The following PIWIL4 variants were observed in gnomAD, a reference collection of about 807,000 sequenced individuals.
PIWIL4 encodes the protein piwi-like protein 4.
Under a neutral mutation model 100.9 loss-of-function variants are expected in PIWIL4, and 50 were observed. That is an observed-to-expected ratio of 0.50 (90% CI 0.39 to 0.63). The LOEUF (loss-of-function observed/expected upper bound fraction) is 0.63. Among genes scored for constraint, PIWIL4 ranks in the 20% least tolerant of loss-of-function variants. The pLI, the probability that PIWIL4 is intolerant of heterozygous loss-of-function variation, is 0.00. For missense variants in PIWIL4, 887 were observed against 1,043.3 expected (o/e 0.85, Z 2.06); for synonymous variants, 342 against 367.5 (o/e 0.93, Z 0.79).
chr11:94,567,553 T>C lies in PIWIL4; in HGVS notation c.35T>C (p.Ile12Thr), dbSNP rs1458828015. 2 of 1,606,192 alleles carry C rather than the reference T, an allele frequency of 1.2e-6. No individual in the cohort carries two copies. The highest frequency in any genetic ancestry group is 2.2e-5 in the South Asian group (2 of 89,196). The change falls in exon 1 of 20, where the codon ATC (isoleucine) becomes ACC (threonine). Residue 12 changes from isoleucine (I) to threonine (T), a missense_variant. Physicochemically the swap from Ile to Thr is moderately conservative, Grantham distance 89. Coordinates refer to ENST00000299001, the MANE Select transcript of PIWIL4 (RefSeq NM_152431.3). ...AGAGCCCGAGTGAAGGCCAGAGGCA[T>C]CGCCCGCAGCCCCAGTGCCACAGAA... ...SGRARVKARG[I>T]ARSPSATEVG...
At chr11:94,571,382 C>A (rs1189700178) in intron 2 of PIWIL4, among the ~76,000 whole-genome samples, 1 of 152,074 alleles carries the variant, frequency 6.6e-6, no homozygotes, top group Non-Finnish European at 1.5e-5. Flanking sequence ...GTGTGCTGCA[C>A]CCATTAACTC....
intron 1 of PIWIL4, 89 bp from the exon 2 acceptor site, chr11:94,568,641 T>C: frequency 1.0e-6 from 1 of 985,214 alleles, no homozygotes; most frequent in Non-Finnish European, 1.6e-6. Flanking sequence ...TTCATGGTAA[T>C]CTAAAGACCT....
At chr11:94,620,245 C>T (rs1948891333) in intron 19 of PIWIL4, 101 bp downstream of exon 19, 6 of 1,220,260 alleles carry the variant, frequency 4.9e-6, no homozygotes, top group Non-Finnish European at 1.1e-6. Context: ...TAGCACAATA[C>T]CTGATATTTC....
intron 5 of PIWIL4, among the ~76,000 whole-genome samples, chr11:94,584,800 C>A (rs1252750233): frequency 6.6e-6 from 1 of 152,170 alleles, no homozygotes; most frequent in Non-Finnish European, 1.5e-5. Context: ...GCCGGTGGCT[C>A]ACACCTGTAA....
At chr11:94,608,399 C>T in intron 14 of PIWIL4, 184 bp from the exon 15 acceptor site, 3 of 563,156 alleles carry the variant, frequency 5.3e-6, no homozygotes, top group Non-Finnish European at 9.5e-6. Flanking sequence ...ATTCTTCCTG[C>T]CTTCTTTAAG....
In PIWIL4 at chr11:94,618,054, A is replaced by G. The variant is rs758883203; in HGVS notation, c.2115A>G (p.Glu705=). The G allele has an allele frequency of 1.1e-5, 17 of 1,603,982 alleles. No individual in the cohort carries two copies. ...VGDGQLKTLI[E]YEVPQLLSSV... is the part of the protein sequence containing the mutation. ...ATGGTCAGCTGAAAACACTTATTGA[A>G]TATGAAGTCCCACAGCTGCTGAGCA... Residue 705 remains glutamate (E), a synonymous_variant, in exon 17 of 20, where the codon GAA becomes GAG. Transcript: ENST00000299001.
intron 15 of PIWIL4, among the ~76,000 whole-genome samples, chr11:94,611,286 G>T (rs1267998576): frequency 6.6e-6 from 1 of 152,086 alleles, no homozygotes; most frequent in Non-Finnish European, 1.5e-5. Context: ...CTCATCATTT[G>T]TGAAACTTTT....
intron 12 of PIWIL4, 109 bp from the exon 13 acceptor site, chr11:94,603,874 TA>T: frequency 3.1e-6 from 2 of 644,102 alleles, no homozygotes; most frequent in Non-Finnish European, 5.2e-6. Context: ...TAATTTTTCC[TA>T]AAACTACTAG....
intron 8 of PIWIL4, among the ~76,000 whole-genome samples, chr11:94,589,817 G>C (rs576434342): frequency 2.0e-5 from 3 of 152,216 alleles, no homozygotes; most frequent in South Asian, 4.1e-4. Flanking sequence ...GTCATCACAG[G>C]CACCACACGA....
At chr11:94,611,050 G>C (rs1442329898) in intron 15 of PIWIL4, among the ~76,000 whole-genome samples, 1 of 152,072 alleles carries the variant, frequency 6.6e-6, no homozygotes, top group Admixed American at 6.5e-5. Flanking sequence ...ATTGTGTATT[G>C]TTGGTGTTTT....
At chr11:94,609,885 G>A (rs990671127) in intron 15 of PIWIL4, among the ~76,000 whole-genome samples, 5 of 152,086 alleles carry the variant, frequency 3.3e-5, no homozygotes, top group African/African-American at 1.2e-4. Context: ...GTGTGTGTGT[G>A]TGGTGAGACT....
chr11:94,587,921 C>T (rs1948425444), intron 7 of PIWIL4, among the ~76,000 whole-genome samples: 1 of 41,376 alleles, frequency 2.4e-5, no homozygotes, highest in African/African-American at 3.6e-4. Flanking sequence ...AAAAAGCTCA[C>T]ATATACTGCT....
intron 13 of PIWIL4, 88 bp downstream of exon 13, chr11:94,604,144 T>C: frequency 1.4e-6 from 1 of 715,908 alleles, no homozygotes; most frequent in Non-Finnish European, 2.2e-6. Flanking sequence ...TCCCATGATA[T>C]ATTTGCAAAT....
chr11:94,596,474 A>G (rs957085331), intron 10 of PIWIL4, among the ~76,000 whole-genome samples: 2 of 152,186 alleles, frequency 1.3e-5, no homozygotes, highest in African/African-American at 2.4e-5. Context: ...TTTTTAAAAG[A>G]GAAATGGTAT....
At chr11:94,571,812 G>A (rs529478952) in intron 2 of PIWIL4, among the ~76,000 whole-genome samples, 1 of 152,268 alleles carries the variant, frequency 6.6e-6, no homozygotes, top group African/African-American at 2.4e-5. Flanking sequence ...GTAATGGGAT[G>A]GCTGGGTCAA....
At chr11:94,592,427 C>T (rs1160003887) in intron 8 of PIWIL4, among the ~76,000 whole-genome samples, 1 of 152,174 alleles carries the variant, frequency 6.6e-6, no homozygotes, top group Non-Finnish European at 1.5e-5. Context: ...TTATCCACTG[C>T]CGTTCCTGGA....
In PIWIL4 at chr11:94,611,054, G is replaced by A. The variant is rs139371158; in HGVS notation, c.1943+2368G>A. Among the ~76,000 whole-genome samples, 149 of 152,166 alleles carry A rather than the reference G, an allele frequency of 9.8e-4. 2 individuals are homozygous for A. The highest frequency in any genetic ancestry group is 7.9e-3 in the South Asian group (38 of 4,816). On this transcript the variant is annotated intron_variant, in intron 15 of 19. Transcript: ENST00000299001. ...TTCTTTATCCCATTGTGTATTGTTG[G>A]TGTTTTTGTCAAAGATTAGTTGACT...
chr11:94,608,527 T>C, intron 14 of PIWIL4, 56 bp from the exon 15 acceptor site: 2 of 1,458,968 alleles, frequency 1.4e-6, no homozygotes, highest in Non-Finnish European at 1.9e-6. Flanking sequence ...TATTAAACCA[T>C]TGGTAGGGGA....
chr11:94,584,318 A>T (rs1198673707), intron 5 of PIWIL4, among the ~76,000 whole-genome samples: 1 of 152,208 alleles, frequency 6.6e-6, no homozygotes, highest in Non-Finnish European at 1.5e-5. Flanking sequence ...TCTGGAAGGC[A>T]TGAAGATGGG....
Sources: allele counts gnomAD v4.1 joint callset (sites outside exome capture counted in the v4.1 genomes callset), GRCh38; gene constraint gnomAD v4.1.1; transcripts MANE v1.5; gene names NCBI Gene and HGNC (gene_info 2026-07-23, HGNC 2026-07-21).